The following MGAT4C variants were observed in gnomAD, a reference collection of about 807,000 sequenced individuals.
MGAT4C encodes the protein alpha-1,3-mannosyl-glycoprotein 4-beta-N-acetylglucosaminyltransferase C.
A neutral mutation model predicts 40.1 loss-of-function variants in MGAT4C; 19 were observed. That is an observed-to-expected ratio of 0.47 (90% confidence interval 0.33 to 0.70). MGAT4C has a LOEUF of 0.70. Among genes scored for constraint, MGAT4C ranks in the 30% least tolerant of loss-of-function variants. The probability of loss-of-function intolerance (pLI) is 0.02; values close to 1 mark genes in which losing one functional copy is unlikely to be tolerated. For missense variants in MGAT4C, 491 were observed against 563.2 expected, an observed-to-expected ratio of 0.87 and a Z score of 1.30; for synonymous variants, 181 against 187.1, an observed-to-expected ratio of 0.97 and a Z score of 0.27.
At chr12:86,764,732 C>T (rs1260069152) in intron 1 of MGAT4C, among the ~76,000 whole-genome samples, 1 of 152,110 alleles carries the variant, frequency 6.6e-6, no homozygotes, top group Non-Finnish European at 1.5e-5. Flanking sequence ...CTGCAGCCAC[C>T]ACTGCTGATA....
intron 2 of MGAT4C, among the ~76,000 whole-genome samples, chr12:86,700,146 C>T (rs79353421): frequency 1.9e-3 from 31 of 16,312 alleles, no homozygotes; most frequent in African/African-American, 3.1e-3. Context: ...GATAGACAGA[C>T]AGACAGACAG....
intron 2 of MGAT4C, among the ~76,000 whole-genome samples, chr12:86,584,916 T>TA: frequency 6.6e-6 from 1 of 151,490 alleles, no homozygotes; most frequent in East Asian, 1.9e-4. Context: ...TATATGTTTT[T>TA]ATGTAAAGCA....
intron 4 of MGAT4C, among the ~76,000 whole-genome samples, chr12:86,277,617 T>A (rs576031154): frequency 6.6e-6 from 1 of 152,222 alleles, no homozygotes; most frequent in Non-Finnish European, 1.5e-5. Context: ...TGCATATGGA[T>A]ATCCAGTTTC....
At chr12:86,020,436 T>A (rs1359056229) in intron 2 of MGAT4C, among the ~76,000 whole-genome samples, 3 of 152,092 alleles carry the variant, frequency 2.0e-5, no homozygotes, top group Admixed American at 2.0e-4. Flanking sequence ...ATGCTGCATA[T>A]CTGCAACTAT....
Position 86,524,136 on chromosome 12 carries a change from G to A in MGAT4C, c.-228-88871C>T, listed in dbSNP as rs148892284. Among the ~76,000 whole-genome samples the A allele has an allele frequency of 3.1e-3, 479 of 152,298 alleles. 4 individuals carry two copies. The highest frequency in any genetic ancestry group is 0.011 in the African/African-American group (463 of 41,566). On this transcript the variant is annotated intron_variant, in intron 2 of 7. Transcript: ENST00000548651. ...GTGAATTTGATCCTGTCATCATGATGTTGGCTGGTGATTCTGCCGACTTGT... is the reference window on the plus strand; with the variant it reads ...GTGAATTTGATCCTGTCATCATGATATTGGCTGGTGATTCTGCCGACTTGT...
chr12:86,378,833 T>G (rs182488432), intron 3 of MGAT4C, among the ~76,000 whole-genome samples: 37 of 152,238 alleles, frequency 2.4e-4, no homozygotes, highest in Non-Finnish European at 4.9e-4. Context: ...AGTCTTAAAA[T>G]GAAGTCCCAG....
rs185478488 is a variant in MGAT4C, at chr12:86,567,968, T to C, written c.-228-132703A>G. 2.3e-3 allele frequency among the ~76,000 whole-genome samples: 351 copies of C among 152,296 alleles called. 5 individuals are homozygous for C. The highest frequency in any genetic ancestry group is 8.2e-3 in the African/African-American group (339 of 41,572). ...GCTTCTGGTCGACAAAGGATAGCTGTATTATGTTAGGTGTAATTAAGAACT... is the reference window on the plus strand; with the variant it reads ...GCTTCTGGTCGACAAAGGATAGCTGCATTATGTTAGGTGTAATTAAGAACT... On this transcript the variant is annotated intron_variant, in intron 2 of 7. Coordinates refer to the MGAT4C transcript ENST00000548651.
rs1024382152 is a variant in MGAT4C, at chr12:86,639,395, G to T, written c.-229+87814C>A. On this transcript the variant is annotated intron_variant, in intron 2 of 7. Coordinates refer to the MGAT4C transcript ENST00000548651. ...TTTGTATAAGTATTTTCTATTATTGGTTTTTGGGACATTCTTAATGAACAT... is the reference window on the plus strand; with the variant it reads ...TTTGTATAAGTATTTTCTATTATTGTTTTTTGGGACATTCTTAATGAACAT... Among the ~76,000 whole-genome samples the T allele has an allele frequency of 5.9e-5, 9 of 151,444 alleles. No individual in the cohort carries two copies. The East Asian group carries it at 1.6e-3, about 26-fold the overall frequency.
chr12:86,584,890 C>T lies in MGAT4C; in HGVS notation c.-229+142319G>A, dbSNP rs1960943456. Among the ~76,000 whole-genome samples, 3 of 103,596 alleles carry T rather than the reference C, an allele frequency of 2.9e-5. 1 individual carries two copies. In the South Asian group the frequency reaches 1.3e-3, roughly 46 times the overall value. The allele number at this position is 103,596 out of a possible 152,430, so 68.0% of individuals were successfully genotyped here. ...TCATTGATAGTCATTTGCATTTTCT[C>T]TTCATTTTATTAACATATATGTTTT... On this transcript the variant is annotated intron_variant, in intron 2 of 7. Transcript: ENST00000548651.
chr12:86,499,174 C>A (rs921809757), intron 2 of MGAT4C, among the ~76,000 whole-genome samples: 1 of 151,474 alleles, frequency 6.6e-6, no homozygotes, highest in African/African-American at 2.4e-5. Flanking sequence ...TGACAGTGGG[C>A]AATTAGTAGT....
At chr12:86,474,765 T>C (rs192074241) in intron 2 of MGAT4C, among the ~76,000 whole-genome samples, 42 of 152,228 alleles carry the variant, frequency 2.8e-4, no homozygotes, top group African/African-American at 1.0e-3. Flanking sequence ...GTCAGATTAA[T>C]GGCGAATTCA....
chr12:86,702,101 AGCCTCAACCCCCTGG>A (rs1337975349), intron 2 of MGAT4C, among the ~76,000 whole-genome samples: 1 of 152,100 alleles, frequency 6.6e-6, no homozygotes, highest in African/African-American at 2.4e-5. Context: ...CAGCTCATAC[AGCCTCAACCCCCTGG>A]GCTTAAGAGA....
chr12:86,483,988 A>C (rs1461224090), intron 2 of MGAT4C, among the ~76,000 whole-genome samples: 1 of 151,912 alleles, frequency 6.6e-6, no homozygotes, highest in Non-Finnish European at 1.5e-5. Flanking sequence ...AAAAAGCATG[A>C]AATCTTGTGC....
intron 2 of MGAT4C, among the ~76,000 whole-genome samples, chr12:86,464,715 GAGTCT>G (rs1957654600): frequency 6.6e-6 from 1 of 151,946 alleles, no homozygotes; most frequent in South Asian, 2.1e-4. Flanking sequence ...TTTACAAAGG[GAGTCT>G]AGTCTATAAA....
intron 1 of MGAT4C, among the ~76,000 whole-genome samples, chr12:86,076,263 C>T (rs1292844820): frequency 2.6e-5 from 4 of 152,180 alleles, no homozygotes; most frequent in Admixed American, 2.0e-4. Context: ...CAACAAGTTC[C>T]TCATCTCCAC....
At chr12:86,140,178 CT>C (rs1182673042) in intron 1 of MGAT4C, among the ~76,000 whole-genome samples, 1 of 152,094 alleles carries the variant, frequency 6.6e-6, no homozygotes, top group African/African-American at 2.4e-5. Context: ...AACTTTTCTC[CT>C]TTAGTCATAT....
intron 1 of MGAT4C, among the ~76,000 whole-genome samples, chr12:86,782,343 G>C (rs925901406): frequency 3.3e-5 from 5 of 151,578 alleles, no homozygotes; most frequent in Non-Finnish European, 5.9e-5. Context: ...CACTACGCCC[G>C]GCTAATTTTT....
At chr12:86,146,953 A>G (rs2135754636) in intron 1 of MGAT4C, among the ~76,000 whole-genome samples, 1 of 152,268 alleles carries the variant, frequency 6.6e-6, no homozygotes, top group Non-Finnish European at 1.5e-5. Context: ...AAAGTTTGGA[A>G]GTATTTCTAC....
At chr12:86,766,105 G>A (rs1467088962) in intron 1 of MGAT4C, among the ~76,000 whole-genome samples, 3 of 152,128 alleles carry the variant, frequency 2.0e-5, no homozygotes, top group African/African-American at 7.2e-5. Flanking sequence ...CCATCAGTGT[G>A]CTGTATTCAG....
Sources: gnomAD v4.1 joint callset for allele counts (sites outside exome capture counted in the v4.1 genomes callset) on GRCh38, gnomAD v4.1.1 for gene constraint, MANE v1.5 for transcripts, NCBI Gene and HGNC (gene_info 2026-07-23, HGNC 2026-07-21) for gene names.